Variants in CCDC30 observed in about 807,000 individuals in gnomAD.
The protein encoded by CCDC30 is coiled-coil domain-containing protein 30.
A neutral mutation model predicts 100.2 loss-of-function variants in CCDC30; 70 were observed. The observed-to-expected ratio is 0.70, with a 90% CI of 0.58 to 0.85. The LOEUF is 0.85. Among genes scored for constraint, CCDC30 ranks in the 40% least tolerant of loss-of-function variants. The probability of loss-of-function intolerance (pLI) is 0.00; values close to 1 mark genes in which losing one functional copy is unlikely to be tolerated. For synonymous variants in CCDC30, 233 were observed against 269.5 expected (o/e 0.86, Z 1.33); for missense variants, 652 against 771.2 (o/e 0.85, Z 1.83).
chr1:42,615,376 C>T (rs983595993), intron 11 of CCDC30, among the ~76,000 whole-genome samples: 6 of 152,190 alleles, frequency 3.9e-5, no homozygotes, highest in Non-Finnish European at 5.9e-5. Flanking sequence ...TGGCTCACCG[C>T]AACCTCTACC....
intron 15 of CCDC30, among the ~76,000 whole-genome samples, chr1:42,649,245 C>T (rs981803892): frequency 1.1e-4 from 16 of 152,108 alleles, no homozygotes; most frequent in African/African-American, 3.9e-4. Flanking sequence ...ATAAAAAGAT[C>T]ATTCACCATG....
chr1:42,541,146 G>A (rs187816181), intron 6 of CCDC30, among the ~76,000 whole-genome samples: 1 of 152,336 alleles, frequency 6.6e-6, no homozygotes, highest in African/African-American at 2.4e-5. Context: ...AGATCAAGAT[G>A]TTGGCATATC....
At chr1:42,470,437 A>C (rs1338088334) in intron 1 of CCDC30, among the ~76,000 whole-genome samples, 2 of 152,344 alleles carry the variant, frequency 1.3e-5, no homozygotes, top group Admixed American at 6.5e-5. Context: ...ACATAGAATT[A>C]TATATCTAAC....
chr1:42,581,084 A>T, intron 8 of CCDC30: 1 of 377,126 alleles, frequency 2.7e-6, no homozygotes, highest in Non-Finnish European at 5.0e-6. Flanking sequence ...CAAGCGATTC[A>T]CCCAGCTCAG....
At chr1:42,579,820 AC>A (rs2148589724) in intron 8 of CCDC30, among the ~76,000 whole-genome samples, 1 of 152,052 alleles carries the variant, frequency 6.6e-6, no homozygotes, top group Admixed American at 6.5e-5. Context: ...ACATAGTGAG[AC>A]CCTATCTCTA....
chr1:42,456,891 G>A, the CCDC30 span: 4 of 1,612,558 alleles, frequency 2.5e-6, no homozygotes, highest in Non-Finnish European at 3.4e-6. Flanking sequence ...CGGCCTTCGG[G>A]CCCAGCCCTT....
chr1:42,545,675 A>G, intron 6 of CCDC30, 96 bp downstream of exon 9: 1 of 1,097,596 alleles, frequency 9.1e-7, no homozygotes, highest in South Asian at 1.5e-5. Context: ...GGCTGGGTGC[A>G]GTGGCTTAAG....
intron 6 of CCDC30, among the ~76,000 whole-genome samples, chr1:42,527,837 T>A (rs982582085): frequency 5.3e-5 from 8 of 152,024 alleles, no homozygotes; most frequent in Admixed American, 6.6e-5. Flanking sequence ...TCTCTACTCT[T>A]TCTTTTTTTT....
intron 3 of CCDC30, among the ~76,000 whole-genome samples, chr1:42,484,133 TAAAA>T (rs897613042): frequency 6.3e-5 from 9 of 143,262 alleles, no homozygotes; most frequent in African/African-American, 1.2e-4. Context: ...CAAATAATAA[TAAAA>T]AAAAGAATAT....
chr1:42,604,863 C>G (rs1437169107), intron 10 of CCDC30, among the ~76,000 whole-genome samples: 1 of 152,156 alleles, frequency 6.6e-6, no homozygotes, highest in Non-Finnish European at 1.5e-5. Context: ...AGGGATTGAA[C>G]AAGAAGAGGC....
chr1:42,485,619 A>G lies in CCDC30; in HGVS notation c.169+2803A>G, dbSNP rs192632309. Among the ~76,000 whole-genome samples, 346 of 152,282 alleles carry G rather than the reference A, an allele frequency of 2.3e-3. 2 individuals carry two copies. The highest frequency in any genetic ancestry group is 8.0e-3 in the African/African-American group (333 of 41,556). On this transcript the variant is annotated intron_variant, in intron 3 of 16. Transcript: ENST00000668663. ...GGCTGTAGTAGGCGATGATTGTTCCAGCCTGGGTGACAGAGCAAGACCCTG... is the reference window on the plus strand; with the variant it reads ...GGCTGTAGTAGGCGATGATTGTTCCGGCCTGGGTGACAGAGCAAGACCCTG...
chr1:42,601,893 A>C (rs965670804), intron 10 of CCDC30, among the ~76,000 whole-genome samples: 22 of 152,338 alleles, frequency 1.4e-4, no homozygotes, highest in African/African-American at 5.1e-4. Context: ...TCAAGAATTC[A>C]AAATGGCAGT....
intron 9 of CCDC30, among the ~76,000 whole-genome samples, chr1:42,582,558 C>G (rs1202225924): frequency 6.6e-6 from 1 of 152,208 alleles, no homozygotes; most frequent in Non-Finnish European, 1.5e-5. Flanking sequence ...GAGAAGGAAT[C>G]TGGTGAAGCT....
chr1:42,605,908 C>T (rs927478477), intron 10 of CCDC30, among the ~76,000 whole-genome samples: 4 of 152,136 alleles, frequency 2.6e-5, no homozygotes, highest in Non-Finnish European at 5.9e-5. Flanking sequence ...TGGGTTTGAA[C>T]TGTGTTGGTC....
intron 4 of CCDC30, chr1:42,491,883 G>T: frequency 2.3e-6 from 1 of 433,714 alleles, no homozygotes. Flanking sequence ...AGAGACGCTA[G>T]TCACCAGGAC....
At chr1:42,499,779 T>A (rs1264913423) in intron 6 of CCDC30, among the ~76,000 whole-genome samples, 1 of 127,686 alleles carries the variant, frequency 7.8e-6, no homozygotes, top group Non-Finnish European at 1.7e-5. Flanking sequence ...TGGCTTGTAT[T>A]CTTTTTTTTT....
chr1:42,560,766 A>G (rs1469320773), intron 6 of CCDC30, among the ~76,000 whole-genome samples: 1 of 152,198 alleles, frequency 6.6e-6, no homozygotes, highest in Non-Finnish European at 1.5e-5. Context: ...TAAAAATGAC[A>G]AGAGGATATC....
intron 15 of CCDC30, among the ~76,000 whole-genome samples, chr1:42,646,712 C>T (rs1186297931): frequency 1.3e-5 from 2 of 152,302 alleles, no homozygotes; most frequent in East Asian, 1.9e-4. Context: ...TGGGACCTCC[C>T]CTATTTGGGA....
At chr1:42,655,181 ATAAT>A (rs1050209071), downstream of CCDC30, among the ~76,000 whole-genome samples, 2 of 152,206 alleles carry the variant, frequency 1.3e-5, no homozygotes, top group African/African-American at 4.8e-5. Flanking sequence ...TTGATGTTCT[ATAAT>A]TATTTTTATG....
Sources: allele counts gnomAD v4.1 joint callset (sites outside exome capture counted in the v4.1 genomes callset), GRCh38; gene constraint gnomAD v4.1.1; transcripts MANE v1.5; gene names NCBI Gene and HGNC (gene_info 2026-07-23, HGNC 2026-07-21).